Variants in PTGER3 observed in about 807,000 individuals in gnomAD.
PTGER3 encodes prostaglandin E2 receptor EP3 subtype.
A neutral mutation model predicts 34.7 loss-of-function variants in PTGER3; 22 were observed. The observed-to-expected ratio is 0.63, with a 90% CI of 0.45 to 0.91. PTGER3 has a LOEUF of 0.91. PTGER3 is among the 40% of genes least tolerant of loss of function. The pLI is 0.00. For synonymous variants in PTGER3, 241 were observed against 230.1 expected (o/e 1.05, Z -0.43); for missense variants, 468 against 519.4 (o/e 0.90, Z 0.96).
At chr1:70,862,106 C>T (rs1361619574) in intron 4 of PTGER3, among the ~76,000 whole-genome samples, 3 of 151,760 alleles carry the variant, frequency 2.0e-5, no homozygotes, top group Non-Finnish European at 4.4e-5. Flanking sequence ...CAGGGTGGGC[C>T]TGGTAAGAAG....
intron 4 of PTGER3, among the ~76,000 whole-genome samples, chr1:70,938,602 G>A (rs368565491): frequency 1.9e-4 from 29 of 152,084 alleles, no homozygotes; most frequent in African/African-American, 5.8e-4. Context: ...ATTGGACTAC[G>A]GTGGCACATG....
chr1:71,045,886 A>C (rs1216731131), intron 1 of PTGER3, among the ~76,000 whole-genome samples: 1 of 151,976 alleles, frequency 6.6e-6, no homozygotes, highest in African/African-American at 2.4e-5. Flanking sequence ...TCAAGAATGA[A>C]CCTTGAAGGC....
chr1:71,016,680 G>C (rs1657928835), intron 1 of PTGER3, among the ~76,000 whole-genome samples: 1 of 151,876 alleles, frequency 6.6e-6, no homozygotes, highest in Non-Finnish European at 1.5e-5. Context: ...GTGTGTGCCT[G>C]TAATCCTAGC....
intron 2 of PTGER3, among the ~76,000 whole-genome samples, chr1:70,974,667 C>A (rs927507079): frequency 5.3e-5 from 8 of 152,076 alleles, no homozygotes; most frequent in Non-Finnish European, 7.4e-5. Context: ...AACTCATTGA[C>A]CTCAAGTGAT....
In PTGER3 at chr1:70,861,701, C is replaced by CA. The variant is rs35895358; in HGVS notation, c.*24-8843dup. On this transcript the variant is annotated intron_variant, in intron 4 of 4. Coordinates refer to the PTGER3 transcript ENST00000370931. The stretch of plus-strand genomic sequence containing the variant: ...ATGGGAATCTTCATGGTTCCATTAG[C>CA]AAAAAAAAAAACAAAAACTTCTCTG... 5.4e-3 allele frequency among the ~76,000 whole-genome samples: 763 copies of CA among 141,138 alleles called. 4 individuals carry two copies. Among genetic ancestry groups the CA allele is most frequent in the African/African-American group, 0.014 (541 of 38,890 alleles). The allele number at this position is 141,138 out of a possible 152,430, so 92.6% of individuals were successfully genotyped here. A position where few individuals can be genotyped will look rare whatever the true frequency, so the allele number is the denominator to read the frequency against.
At chr1:70,996,639 T>TTTTTTAATTTATTTATTTATTTATTTA (rs774610328) in intron 2 of PTGER3, among the ~76,000 whole-genome samples, 12 of 122,752 alleles carry the variant, frequency 9.8e-5, no homozygotes, top group African/African-American at 3.3e-4. Context: ...TTTTTTGTAT[T>TTTTTTAATTTATTTATTTATTTATTTA]TTTATTTATT....
intron 2 of PTGER3, among the ~76,000 whole-genome samples, chr1:70,999,429 G>T (rs1464033527): frequency 1.3e-5 from 2 of 152,182 alleles, no homozygotes; most frequent in East Asian, 3.8e-4. Context: ...GATTTCACCT[G>T]TTAGCAGAAA....
chr1:70,924,930 A>G (rs375713117), intron 4 of PTGER3, among the ~76,000 whole-genome samples: 6 of 152,142 alleles, frequency 3.9e-5, no homozygotes, highest in African/African-American at 1.2e-4. Flanking sequence ...ACTGAGACAA[A>G]TCTGGTATAA....
chr1:70,905,200 A>C (rs1321886268), intron 4 of PTGER3, among the ~76,000 whole-genome samples: 1 of 152,098 alleles, frequency 6.6e-6, no homozygotes, highest in East Asian at 1.9e-4. Flanking sequence ...GTATGGAAAC[A>C]CCTGGATGCC....
chr1:70,860,339 T>G (rs890275514), intron 4 of PTGER3, among the ~76,000 whole-genome samples: 1 of 152,152 alleles, frequency 6.6e-6, no homozygotes, highest in Non-Finnish European at 1.5e-5. Context: ...GAGAAAAAAA[T>G]GTGATTCCCC....
chr1:70,999,263 A>C (rs2268054), intron 2 of PTGER3, among the ~76,000 whole-genome samples: 47,572 of 152,068 alleles, frequency 0.31, 8,625 homozygotes, highest in South Asian at 0.45. Context: ...ATTTAGTGAT[A>C]ATAATAGAAT....
At chr1:70,898,248 C>G (rs545702955) in intron 4 of PTGER3, among the ~76,000 whole-genome samples, 6 of 152,306 alleles carry the variant, frequency 3.9e-5, no homozygotes, top group African/African-American at 1.2e-4. Flanking sequence ...TGAACTTGAG[C>G]AACACACACT....
At chr1:71,016,671 T>C (rs1231526028) in intron 1 of PTGER3, among the ~76,000 whole-genome samples, 1 of 151,682 alleles carries the variant, frequency 6.6e-6, no homozygotes, top group Non-Finnish European at 1.5e-5. Context: ...GGCATGATGG[T>C]GTGTGCCTGT....
chr1:70,879,447 A>G (rs1646340975), intron 4 of PTGER3, among the ~76,000 whole-genome samples: 1 of 152,038 alleles, frequency 6.6e-6, no homozygotes. Flanking sequence ...GAGTTTTCCC[A>G]TGTTGGCCAG....
chr1:71,014,512 A>C (rs1657719774), intron 1 of PTGER3, among the ~76,000 whole-genome samples: 1 of 152,104 alleles, frequency 6.6e-6, no homozygotes, highest in Non-Finnish European at 1.5e-5. Flanking sequence ...CCAACCCTTT[A>C]TGTGATGGTA....
intron 4 of PTGER3, among the ~76,000 whole-genome samples, chr1:70,943,258 A>G (rs540820319): frequency 6.6e-6 from 1 of 152,272 alleles, no homozygotes; most frequent in South Asian, 2.1e-4. Flanking sequence ...TCTTCTCCAC[A>G]ACTTGCAACT....
chr1:70,929,182 G>A (rs549310811), intron 4 of PTGER3, among the ~76,000 whole-genome samples: 1 of 152,174 alleles, frequency 6.6e-6, no homozygotes, highest in African/African-American at 2.4e-5. Flanking sequence ...CTCTAAAGAC[G>A]AATAAATACA....
chr1:71,013,962 A>T (rs1477592358), intron 1 of PTGER3, among the ~76,000 whole-genome samples: 1 of 152,216 alleles, frequency 6.6e-6, no homozygotes, highest in Non-Finnish European at 1.5e-5. Context: ...TGAGTACTTG[A>T]CATGTAGCCA....
chr1:71,008,678 G>A (rs1481654937), intron 2 of PTGER3: 1 of 981,476 alleles, frequency 1.0e-6, no homozygotes, highest in African/African-American at 1.8e-5. Context: ...TATGGACTAG[G>A]CCACAGTTGC....
Sources: gnomAD v4.1 joint callset for allele counts (sites outside exome capture counted in the v4.1 genomes callset) on GRCh38, gnomAD v4.1.1 for gene constraint, MANE v1.5 for transcripts, NCBI Gene and HGNC (gene_info 2026-07-23, HGNC 2026-07-21) for gene names.